ROBO1: variants seen among roughly 807,000 people sequenced by gnomAD.
The protein encoded by ROBO1 is roundabout homolog 1.
A neutral mutation model predicts 195.9 loss-of-function variants in ROBO1; 149 were observed. The observed-to-expected ratio is 0.76, with a 90% CI of 0.67 to 0.87. ROBO1 has a LOEUF of 0.87. ROBO1 is among the 40% of genes least tolerant of loss of function. The probability of loss-of-function intolerance (pLI) is 0.00; values close to 1 mark genes in which losing one functional copy is unlikely to be tolerated. For synonymous variants in ROBO1, 816 were observed against 733.2 expected, an observed-to-expected ratio of 1.11 and a Z score of -1.82; for missense variants, 1,933 against 2,068.3, an observed-to-expected ratio of 0.93 and a Z score of 1.27.
At chr3:78,717,064 G>A (rs2081919300) in intron 7 of ROBO1, among the ~76,000 whole-genome samples, 3 of 152,084 alleles carry the variant, frequency 2.0e-5, no homozygotes, top group South Asian at 4.2e-4. Flanking sequence ...TCCCTCTGCA[G>A]CCCAGGGTCA....
chr3:79,308,665 G>A (rs776973654), intron 2 of ROBO1, among the ~76,000 whole-genome samples: 27 of 152,100 alleles, frequency 1.8e-4, no homozygotes, highest in Non-Finnish European at 3.5e-4. Context: ...GATAAAATGA[G>A]GCTTGAAAGG....
At chr3:79,541,390 C>T (rs1942059538) in intron 2 of ROBO1, among the ~76,000 whole-genome samples, 2 of 152,030 alleles carry the variant, frequency 1.3e-5, no homozygotes, top group Non-Finnish European at 2.9e-5. Context: ...TAACATGCCC[C>T]CCTCCCAGCG....
intron 8 of ROBO1, among the ~76,000 whole-genome samples, chr3:78,705,695 A>C (rs2081533630): frequency 6.6e-6 from 1 of 152,184 alleles, no homozygotes; most frequent in South Asian, 2.1e-4. Flanking sequence ...AACTGAGTAA[A>C]GAAGACATGC....
chr3:79,615,193 G>C (rs141120102), intron 1 of ROBO1, among the ~76,000 whole-genome samples: 1 of 152,152 alleles, frequency 6.6e-6, no homozygotes, highest in Non-Finnish European at 1.5e-5. Context: ...CTACCTGAAG[G>C]CTTCTTCAGC....
At chr3:79,697,424 G>A (rs1947479904) in intron 1 of ROBO1, among the ~76,000 whole-genome samples, 1 of 151,358 alleles carries the variant, frequency 6.6e-6, no homozygotes, top group Non-Finnish European at 1.5e-5. Context: ...ATTTAATTTT[G>A]AAATGGTCAT....
chr3:78,947,426 G>A (rs568534364), intron 3 of ROBO1, among the ~76,000 whole-genome samples: 2 of 152,266 alleles, frequency 1.3e-5, no homozygotes, highest in Admixed American at 1.3e-4. Context: ...AATGACTACT[G>A]GGTAAATAAT....
intron 2 of ROBO1, among the ~76,000 whole-genome samples, chr3:79,309,677 T>C (rs1458048395): frequency 3.3e-5 from 5 of 152,056 alleles, no homozygotes; most frequent in South Asian, 2.1e-4. Flanking sequence ...ATTGTGAAGT[T>C]TGTGGAAGTC....
At chr3:79,298,000 C>G (rs971614172) in intron 2 of ROBO1, among the ~76,000 whole-genome samples, 1 of 151,902 alleles carries the variant, frequency 6.6e-6, no homozygotes, top group African/African-American at 2.4e-5. Context: ...AGTTCAATGT[C>G]TGGGACTTTA....
At chr3:79,100,923 T>C (rs1465575314) in intron 3 of ROBO1, among the ~76,000 whole-genome samples, 4 of 151,958 alleles carry the variant, frequency 2.6e-5, no homozygotes, top group African/African-American at 9.6e-5. Context: ...TAATCTATAA[T>C]TTACAGGATT....
chr3:79,142,387 G>A (rs1202791039), intron 2 of ROBO1, among the ~76,000 whole-genome samples: 1 of 152,140 alleles, frequency 6.6e-6, no homozygotes, highest in East Asian at 1.9e-4. Context: ...TCTTCTGGGA[G>A]TCAAGTGAGA....
intron 2 of ROBO1, among the ~76,000 whole-genome samples, chr3:79,277,623 A>G (rs1055139325): frequency 9.9e-5 from 15 of 152,058 alleles, no homozygotes; most frequent in South Asian, 8.3e-4. Flanking sequence ...TAAGAGTATA[A>G]TTGGATTGTT....
chr3:78,792,473 C>T (rs2084050232), intron 4 of ROBO1, among the ~76,000 whole-genome samples: 1 of 152,084 alleles, frequency 6.6e-6, no homozygotes, highest in South Asian at 2.1e-4. Context: ...ATTATGCAGT[C>T]AGGGGTTGAG....
intron 3 of ROBO1, among the ~76,000 whole-genome samples, chr3:79,085,756 G>A (rs138468740): frequency 4.6e-5 from 7 of 152,272 alleles, no homozygotes; most frequent in African/African-American, 1.4e-4. Flanking sequence ...AAGAAGACAA[G>A]AGAAACTCTG....
intron 10 of ROBO1, among the ~76,000 whole-genome samples, chr3:78,679,533 A>G (rs1203583408): frequency 1.3e-5 from 2 of 152,268 alleles, no homozygotes; most frequent in East Asian, 3.9e-4. Context: ...TACACCAATA[A>G]CAGACAAACA....
chr3:78,768,336 T>TA (rs1335309877), intron 4 of ROBO1, among the ~76,000 whole-genome samples: 2 of 151,998 alleles, frequency 1.3e-5, no homozygotes, highest in African/African-American at 4.8e-5. Context: ...TTTTTTTTTT[T>TA]ACTTTGAAAA....
At chr3:79,278,771 T>C (rs769193054) in intron 2 of ROBO1, among the ~76,000 whole-genome samples, 38 of 152,038 alleles carry the variant, frequency 2.5e-4, no homozygotes, top group Admixed American at 6.6e-5. Context: ...TTCAGAACAT[T>C]GGCCTGGGAA....
intron 2 of ROBO1, among the ~76,000 whole-genome samples, chr3:79,334,483 T>C (rs1392084060): frequency 6.6e-6 from 1 of 151,662 alleles, no homozygotes; most frequent in Non-Finnish European, 1.5e-5. Flanking sequence ...TTTTTGTTTC[T>C]GTGATTATTG....
intron 4 of ROBO1, among the ~76,000 whole-genome samples, chr3:78,814,687 T>C (rs1181761721): frequency 6.6e-6 from 1 of 152,096 alleles, no homozygotes; most frequent in Non-Finnish European, 1.5e-5. Flanking sequence ...TCAAGCCGTA[T>C]TCATAAAAAT....
At chr3:79,114,381 C>T (rs976053205) in intron 3 of ROBO1, among the ~76,000 whole-genome samples, 17 of 152,272 alleles carry the variant, frequency 1.1e-4, no homozygotes, top group Non-Finnish European at 4.4e-5. Flanking sequence ...AGTAAATGAA[C>T]AATACTAAAA....
Sources: allele counts gnomAD v4.1 joint callset (sites outside exome capture counted in the v4.1 genomes callset), GRCh38; gene constraint gnomAD v4.1.1; transcripts MANE v1.5; gene names NCBI Gene and HGNC (gene_info 2026-07-23, HGNC 2026-07-21).